TET2: variants seen among roughly 807,000 people sequenced by gnomAD.
TET2 encodes tet methylcytosine dioxygenase 2, also known as methylcytosine dioxygenase TET2.
Under a neutral mutation model 142.9 loss-of-function variants are expected in TET2, and 299 were observed. The ratio of observed to expected loss-of-function variants is 2.09; its 90% confidence interval spans 1.90 to 2.30. The LOEUF (loss-of-function observed/expected upper bound fraction) is 2.30, where lower values mean the gene tolerates loss of function less well. Among genes scored for constraint, TET2 ranks in the 30% most tolerant of loss-of-function variants. TET2 has a pLI of 0.00. For synonymous variants in TET2, 819 were observed against 849.0 expected (o/e 0.96, Z 0.61); for missense variants, 2,418 against 2,378.0 (o/e 1.02, Z -0.35).
chr4:105,218,463 A>G (rs568154322), intron 2 of TET2, among the ~76,000 whole-genome samples: 3 of 152,106 alleles, frequency 2.0e-5, no homozygotes, highest in Non-Finnish European at 2.9e-5. Flanking sequence ...TATGTGTAAA[A>G]TGAGGTAAAA....
At chr4:105,149,153 C>T (rs1033344293) in intron 1 of TET2, among the ~76,000 whole-genome samples, 7 of 152,148 alleles carry the variant, frequency 4.6e-5, no homozygotes, top group Admixed American at 2.6e-4. Context: ...AAAAACAATT[C>T]CTTTTGCTAA....
intron 6 of TET2, among the ~76,000 whole-genome samples, chr4:105,254,405 ATTTC>A (rs1468326782): frequency 6.6e-6 from 1 of 152,044 alleles, no homozygotes; most frequent in Non-Finnish European, 1.5e-5. Flanking sequence ...TGTTCATAAT[ATTTC>A]TTTATTATCC....
intron 2 of TET2, among the ~76,000 whole-genome samples, chr4:105,219,207 T>A (rs532252574): frequency 6.6e-6 from 1 of 152,258 alleles, no homozygotes; most frequent in African/African-American, 2.4e-5. Context: ...TTTAAGAAGA[T>A]CTTCATCTTA....
At chr4:105,248,993 T>C (rs1284728337) in intron 6 of TET2, among the ~76,000 whole-genome samples, 2 of 139,724 alleles carry the variant, frequency 1.4e-5, no homozygotes, top group Non-Finnish European at 3.1e-5. Context: ...AGTACCTTTT[T>C]TCTTTTTCTT....
chr4:105,272,563 G>A lies in TET2; in HGVS notation c.4183-1G>A, dbSNP rs2110305751. On this transcript the variant is annotated splice_acceptor_variant, in intron 9 of 10. Coordinates refer to ENST00000380013, the MANE Select transcript of TET2 (RefSeq NM_001127208.3). LOFTEE classifies it high-confidence loss of function. ...GCTGTAATGTCTTACTTCCCTACCA[G>A]GTATGCACTCTCACTAGAGAAGACA... is the stretch of plus-strand genomic sequence containing the variant. 6.6e-7 allele frequency: 1 copy of A among 1,517,538 alleles called. No homozygotes were observed. Among genetic ancestry groups the A allele is most frequent in the Non-Finnish European group, 8.8e-7 (1 of 1,131,388 alleles). The allele number at this position is 1,517,538 out of a possible 1,614,324, so 94.0% of individuals were successfully genotyped here. A position where few individuals can be genotyped will look rare whatever the true frequency, so the allele number is the denominator to read the frequency against.
intron 1 of TET2, among the ~76,000 whole-genome samples, chr4:105,161,440 G>C (rs983904465): frequency 4.6e-5 from 7 of 152,148 alleles, no homozygotes; most frequent in Admixed American, 4.6e-4. Flanking sequence ...GACTATAAAT[G>C]ATGTATTTCT....
At chr4:105,165,099 G>T (rs1578546172) in intron 1 of TET2, among the ~76,000 whole-genome samples, 1 of 152,310 alleles carries the variant, frequency 6.6e-6, no homozygotes, top group East Asian at 1.9e-4. Context: ...TGATAGCCGG[G>T]TGTGGTGGCT....
At chr4:105,245,449 G>A (rs1219422849) in intron 6 of TET2, among the ~76,000 whole-genome samples, 1 of 151,880 alleles carries the variant, frequency 6.6e-6, no homozygotes, top group Middle Eastern at 3.2e-3. Flanking sequence ...TCCTGCCTCA[G>A]CCTCCCGAAT....
rs761701065 is a variant in TET2, at chr4:105,176,275, T to C, written c.-192-14085T>C. ...CTCCTCTTACCACTTTGTTTCCTAC[T>C]GGAAGTGCTACCTAATGCAATAAGA... On this transcript the variant is annotated intron_variant, in intron 1 of 10. Coordinates refer to ENST00000380013, the MANE Select transcript of TET2 (RefSeq NM_001127208.3). 6.8e-4 allele frequency among the ~76,000 whole-genome samples: 104 copies of C among 152,256 alleles called. 1 individual carries two copies. The highest frequency in any genetic ancestry group is 9.6e-4 in the Non-Finnish European group (65 of 67,980).
At chr4:105,190,323 T>G (rs1725711134) in intron 1 of TET2, 37 bp from the exon 2 acceptor site, 1 of 619,856 alleles carries the variant, frequency 1.6e-6, no homozygotes, top group Non-Finnish European at 2.9e-6. Context: ...TGTTCCTTTT[T>G]GCTAACTTAA....
chr4:105,165,430 G>T (rs1724102178), intron 1 of TET2, among the ~76,000 whole-genome samples: 1 of 152,176 alleles, frequency 6.6e-6, no homozygotes, highest in Admixed American at 6.5e-5. Flanking sequence ...GGAGCTTCCT[G>T]TGAGAGTGGA....
In TET2 at chr4:105,278,405, TAA is replaced by T. The variant is rs34547183; in HGVS notation, c.*1895_*1896del. 5 of 201,202 alleles carry T rather than the reference TAA, an allele frequency of 2.5e-5. No individual in the cohort carries two copies. Among genetic ancestry groups the T allele is most frequent in the Non-Finnish European group, 4.0e-5 (4 of 100,324 alleles). The allele number at this position is 201,202 out of a possible 1,614,324, so 12.5% of individuals were successfully genotyped here. On this transcript the variant is annotated 3_prime_UTR_variant, in exon 11 of 11. Coordinates refer to ENST00000380013, the MANE Select transcript of TET2 (RefSeq NM_001127208.3). ...TTTTCCAAGTCCTTTTTTTTATTGT[TAA>T]AAAAAAAAGCATACCTTTTTTCAAT...
rs1728711651 is a variant in TET2, at chr4:105,234,518, C to A, written c.576C>A (p.Tyr192Ter). Residue 192 changes from tyrosine to a stop codon, truncating the protein, a stop_gained, in exon 3 of 11, where the codon TAC (tyrosine) becomes TAA (stop). Coordinates refer to ENST00000380013, the MANE Select transcript of TET2 (RefSeq NM_001127208.3). LOFTEE classifies it high-confidence loss of function. Reference protein sequence around the residue: ...LNEQEGKSANYHDKNIVLLKN... With the variant: ...LNEQEGKSAN ...AGCAGGAGGGGAAAAGTGCTAATTA[C>A]CATGACAAGAACATTGTATTACTTA... The A allele has an allele frequency of 6.2e-7, 1 of 1,613,998 alleles. No individual in the cohort carries two copies. The highest frequency in any genetic ancestry group is 8.5e-7 in the Non-Finnish European group (1 of 1,180,006).
At chr4:105,255,519 T>C (rs779849115) in intron 6 of TET2, among the ~76,000 whole-genome samples, 4 of 152,190 alleles carry the variant, frequency 2.6e-5, no homozygotes, top group Admixed American at 6.5e-5. Context: ...TAGTGTTTTT[T>C]ACAACTTCTG....
chr4:105,249,078 G>T (rs1560557091), intron 6 of TET2, among the ~76,000 whole-genome samples: 1 of 150,202 alleles, frequency 6.7e-6, no homozygotes, highest in Non-Finnish European at 1.5e-5. Flanking sequence ...CCCAGGCTAG[G>T]GTGCAATGGT....
chr4:105,261,782 GCAAAACCTGTC>G lies in TET2; in HGVS notation c.3981_3991del (p.Gln1327HisfsTer8), dbSNP rs1244485403. On this transcript the variant is annotated frameshift_variant, in exon 8 of 11. Coordinates refer to ENST00000380013, the MANE Select transcript of TET2 (RefSeq NM_001127208.3). LOFTEE classifies it high-confidence loss of function. Reference sequence around the variant, plus strand: ...AGGAAGAGAAACTGGAGTCTCATTTGCAAAACCTGTCCACTCTTATGGCACCAACATATAAG... The same window carrying G: ...AGGAAGAGAAACTGGAGTCTCATTTGCACTCTTATGGCACCAACATATAAG... 6.5e-7 allele frequency: 1 copy of G among 1,548,604 alleles called. No homozygotes were observed.
chr4:105,224,716 C>CTCTCTT (rs1255061294), intron 2 of TET2, among the ~76,000 whole-genome samples: 3 of 150,750 alleles, frequency 2.0e-5, no homozygotes, highest in African/African-American at 7.3e-5. Flanking sequence ...CTCTCTCTCT[C>CTCTCTT]TCTCTCTCTC....
At chr4:105,180,606 A>G (rs1052873087) in intron 1 of TET2, among the ~76,000 whole-genome samples, 1 of 152,046 alleles carries the variant, frequency 6.6e-6, no homozygotes, top group South Asian at 2.1e-4. Flanking sequence ...GGTCACAAAC[A>G]GTATTTCACG....
chr4:105,204,921 T>A (rs1387768990), intron 2 of TET2, among the ~76,000 whole-genome samples: 2 of 152,180 alleles, frequency 1.3e-5, no homozygotes, highest in Non-Finnish European at 2.9e-5. Flanking sequence ...ACTATATATA[T>A]TTTGTTATTA....
Sources: gnomAD v4.1 joint callset for allele counts (sites outside exome capture counted in the v4.1 genomes callset) on GRCh38, gnomAD v4.1.1 for gene constraint, MANE v1.5 for transcripts, NCBI Gene and HGNC (gene_info 2026-07-23, HGNC 2026-07-21) for gene names.